The following TMEM170A variants were observed in gnomAD, a reference collection of about 807,000 sequenced individuals.
TMEM170A encodes the protein transmembrane protein 170A.
TMEM170A carries 18 observed loss-of-function variants against 12.8 expected under a neutral mutation model. The ratio of observed to expected loss-of-function variants is 1.41; its 90% CI spans 0.97 to 2.09. The LOEUF (loss-of-function observed/expected upper bound fraction) is 2.09, where lower values mean the gene tolerates loss of function less well. Among genes scored for constraint, TMEM170A ranks in the 30% most tolerant of loss-of-function variants. The pLI is 0.00. For synonymous variants in TMEM170A, 107 were observed against 76.2 expected (o/e 1.40, Z -2.11); for missense variants, 220 against 179.9 (o/e 1.22, Z -1.28).
intron 1 of TMEM170A, among the ~76,000 whole-genome samples, chr16:75,459,609 C>A (rs111320136): frequency 1.7e-4 from 26 of 152,196 alleles, no homozygotes; most frequent in African/African-American, 6.3e-4. Flanking sequence ...GTAATCCCAG[C>A]ACTTTAGGAG....
Position 75,454,459 on chromosome 16 carries a change from T to C in TMEM170A, c.134-2620A>G, listed in dbSNP as rs1468223651. Among the ~76,000 whole-genome samples, 669 of 150,040 alleles carry C rather than the reference T, an allele frequency of 4.5e-3. 7 individuals are homozygous for C. Among genetic ancestry groups the C allele is most frequent in the African/African-American group, 0.016 (638 of 40,754 alleles). ...TAGTGAAACCCTGTCTCTCTAAAAA[T>C]ACACACACATACACACACACACAAA... On this transcript the variant is annotated intron_variant, in intron 1 of 2. Coordinates refer to ENST00000561878, the MANE Select transcript of TMEM170A (RefSeq NM_145254.3).
At position 75,446,027 on chromosome 16, in the gene TMEM170A, T is replaced by G. The variant is rs577241179; in HGVS notation, c.*1531A>C. Reference sequence around the variant, plus strand: ...CTATCTCTACTAAAAATACAAAAATTAGCCGGGCACGGTGGCAGGTGCCTG... The same window carrying G: ...CTATCTCTACTAAAAATACAAAAATGAGCCGGGCACGGTGGCAGGTGCCTG... On this transcript the variant is annotated 3_prime_UTR_variant, in exon 3 of 3. Coordinates refer to ENST00000561878, the MANE Select transcript of TMEM170A (RefSeq NM_145254.3). 5.3e-5 allele frequency: 8 copies of G among 152,062 alleles called. No homozygotes were observed. In the East Asian group the frequency reaches 1.5e-3, roughly 29 times the overall value. The allele number at this position is 152,062 out of a possible 1,614,324, so 9.4% of individuals were successfully genotyped here.
intron 1 of TMEM170A, among the ~76,000 whole-genome samples, chr16:75,461,215 C>T (rs564947488): frequency 3.4e-5 from 5 of 149,068 alleles, no homozygotes; most frequent in Non-Finnish European, 5.9e-5. Flanking sequence ...CACCACGCCC[C>T]GCAAATTTTT....
rs565882390 is a variant in TMEM170A at position 75,443,535 on chromosome 16, A to C, written c.*4023T>G. 6.6e-6 allele frequency: 1 copy of C among 152,302 alleles called. No homozygotes were observed. Among genetic ancestry groups the C allele is most frequent in the East Asian group, 1.9e-4 (1 of 5,190 alleles). 9.4% of individuals were successfully genotyped at this position (152,302 alleles called of 1,614,324 possible). On this transcript the variant is annotated 3_prime_UTR_variant, in exon 3 of 3. Transcript: ENST00000561878. ...GGAAGGTTGATATGTGCTGCAGCAT[A>C]ATAGGAACTTAATTCAAACCAGAGC...
At chr16:75,451,877 C>T in intron 1 of TMEM170A, 38 bp from the exon 2 acceptor site, 1 of 1,558,540 alleles carries the variant, frequency 6.4e-7, no homozygotes, top group Non-Finnish European at 8.7e-7. Context: ...GAATCACTGC[C>T]CTTCCCAGGA....
intron 1 of TMEM170A, among the ~76,000 whole-genome samples, chr16:75,463,963 C>T (rs1048137612): frequency 2.6e-5 from 4 of 152,232 alleles, no homozygotes; most frequent in African/African-American, 9.6e-5. Context: ...GGATTTAGCC[C>T]CAGGCGCCCG....
chr16:75,453,171 C>T (rs1340324896), intron 1 of TMEM170A, among the ~76,000 whole-genome samples: 2 of 152,190 alleles, frequency 1.3e-5, no homozygotes, highest in Admixed American at 6.6e-5. Context: ...CGGCAGCTCA[C>T]GACTGTAATC....
At chr16:75,448,045 T>C (rs908187652) in intron 2 of TMEM170A, among the ~76,000 whole-genome samples, 12 of 152,216 alleles carry the variant, frequency 7.9e-5, no homozygotes, top group African/African-American at 2.9e-4. Context: ...AGTTACCCCA[T>C]GCCTAGCCTT....
At chr16:75,451,376 T>C (rs1469860469) in intron 2 of TMEM170A, 4 of 506,844 alleles carry the variant, frequency 7.9e-6, no homozygotes, top group Non-Finnish European at 1.4e-5. Context: ...CGAAACCCTG[T>C]CTCTACAAAA....
At chr16:75,447,715 C>CAAAAACA in intron 2 of TMEM170A, 27 bp from the exon 3 acceptor site, 2 of 1,551,358 alleles carry the variant, frequency 1.3e-6, no homozygotes, top group South Asian at 2.4e-5. Context: ...GAATGTTAAA[C>CAAAAACA]AAAAACAAAA....
intron 1 of TMEM170A, among the ~76,000 whole-genome samples, chr16:75,455,881 G>C (rs928340645): frequency 1.3e-5 from 2 of 152,180 alleles, no homozygotes; most frequent in African/African-American, 2.4e-5. Flanking sequence ...CCAGTCAGGG[G>C]CATCAATCCG....
Position 75,447,006 on chromosome 16 carries a change from AGTTAT to A in TMEM170A, c.*547_*551del, listed in dbSNP as rs1697297059. On this transcript the variant is annotated 3_prime_UTR_variant, in exon 3 of 3. Transcript: ENST00000561878. ...ACAGTGGAACCAAAGCCACTACTTG[AGTTAT>A]ACTTAAATTTTTTTTCCTGCTTTAT... 6.6e-6 allele frequency: 1 copy of A among 152,176 alleles called. No individual in the cohort carries two copies. Among genetic ancestry groups the A allele is most frequent in the Admixed American group, 6.5e-5 (1 of 15,280 alleles). The allele number at this position is 152,176 out of a possible 1,614,324, so 9.4% of individuals were successfully genotyped here.
In TMEM170A at chr16:75,461,342, C is replaced by T. The variant is rs954615345; in HGVS notation, c.133+3126G>A. Among the ~76,000 whole-genome samples, 15 of 152,304 alleles carry T rather than the reference C, an allele frequency of 9.8e-5. No homozygotes were observed. In the East Asian group the frequency reaches 2.5e-3, roughly 25 times the overall value. On this transcript the variant is annotated intron_variant, in intron 1 of 2. Transcript: ENST00000561878. ...GTGCTGGGATTACAGGCGTGAGCCA[C>T]GGCAACCGGCCAATTTAGTCATTTA...
rs534310149 is a variant in TMEM170A at position 75,451,456 on chromosome 16, G to A, written c.304+213C>T. The A allele has an allele frequency of 3.0e-4, 181 of 608,610 alleles. 3 individuals carry two copies. The South Asian group carries it at 3.5e-3, about 12-fold the overall frequency. 37.7% of individuals were successfully genotyped at this position (608,610 alleles called of 1,614,324 possible). ...CCAAGCTTCTTGGGAGGCTGATGGA[G>A]GAGGATTACTTGAGCCCAAGAGGTG... On this transcript the variant is annotated intron_variant, in intron 2 of 2. Transcript: ENST00000561878.
chr16:75,464,341 TC>T, intron 1 of TMEM170A, 126 bp downstream of exon 1: 1 of 1,370,300 alleles, frequency 7.3e-7, no homozygotes, highest in South Asian at 1.6e-5. Flanking sequence ...ACGGCCCCCC[TC>T]CCGGAGGACA....
In TMEM170A at chr16:75,464,279, G is replaced by A. The variant is rs1194559632; in HGVS notation, c.133+189C>T. 7 of 1,492,952 alleles carry A rather than the reference G, an allele frequency of 4.7e-6. No homozygotes were observed. The South Asian group carries it at 5.0e-5, about 11-fold the overall frequency. 92.5% of individuals were successfully genotyped at this position (1,492,952 alleles called of 1,614,324 possible). A position where few individuals can be genotyped will look rare whatever the true frequency, so the allele number is the denominator to read the frequency against. On this transcript the variant is annotated intron_variant, in intron 1 of 2. Coordinates refer to ENST00000561878, the MANE Select transcript of TMEM170A (RefSeq NM_145254.3). ...ACGCCCAGCGGGACTCCGGGGCTCC[G>A]CCTCAGGGACCGCCGAAGAAGTGAT...
chr16:75,460,748 T>A (rs1386775962), intron 1 of TMEM170A, among the ~76,000 whole-genome samples: 1 of 152,210 alleles, frequency 6.6e-6, no homozygotes, highest in African/African-American at 2.4e-5. Flanking sequence ...GCATCTTGAC[T>A]TGGTGCCTAG....
chr16:75,455,033 C>A (rs146699522), intron 1 of TMEM170A, among the ~76,000 whole-genome samples: 79 of 152,270 alleles, frequency 5.2e-4, no homozygotes, highest in African/African-American at 1.8e-3. Context: ...ATTCTGTGCA[C>A]CCACGTAATA....
At chr16:75,451,342 G>T (rs2079677601) in intron 2 of TMEM170A, 1 of 416,128 alleles carries the variant, frequency 2.4e-6, no homozygotes, top group East Asian at 4.3e-5. Flanking sequence ...TTGAGCTCAG[G>T]AGTTCGAGAC....
Sources: gnomAD v4.1 joint callset for allele counts (sites outside exome capture counted in the v4.1 genomes callset) on GRCh38, gnomAD v4.1.1 for gene constraint, MANE v1.5 for transcripts, NCBI Gene and HGNC (gene_info 2026-07-23, HGNC 2026-07-21) for gene names.